SPDEF: variants seen among roughly 807,000 people sequenced by gnomAD.
SPDEF encodes SAM pointed domain-containing Ets transcription factor.
In SPDEF, 12 loss-of-function variants were observed where a neutral mutation model predicts 36.0. That is an observed-to-expected ratio of 0.33 (90% CI 0.21 to 0.54). The LOEUF is 0.54. Ranked by LOEUF, SPDEF falls within the 20% of genes least tolerant of loss-of-function variation. The pLI is 0.93. For missense variants in SPDEF, 388 were observed against 456.9 expected, an observed-to-expected ratio of 0.85 and a Z score of 1.37; for synonymous variants, 205 against 193.0, an observed-to-expected ratio of 1.06 and a Z score of -0.51.
At chr6:34,554,514 A>C (rs1768126525) in intron 1 of SPDEF, among the ~76,000 whole-genome samples, 1 of 152,258 alleles carries the variant, frequency 6.6e-6, no homozygotes, top group South Asian at 2.1e-4. Flanking sequence ...CACTCAGAGG[A>C]AATGCTTGTA....
In SPDEF at chr6:34,538,530, A is replaced by G. The variant is rs1303341933; in HGVS notation, c.830-78T>C. ...GGAGAAAGACGCAGACCACCAGGTC[A>G]GCCTCGTGGCGAACCAAGGGACCCC... On this transcript the variant is annotated intron_variant, in intron 5 of 5. Coordinates refer to ENST00000374037, the MANE Select transcript of SPDEF (RefSeq NM_012391.3). This position sits in a 1 kb window ranked among gnomAD's most constrained non-coding sequence, Gnocchi z 5.9. The G allele has an allele frequency of 1.0e-5, 15 of 1,459,072 alleles. No homozygotes were observed. The highest frequency in any genetic ancestry group is 1.4e-5 in the Non-Finnish European group (15 of 1,078,280). The allele number at this position is 1,459,072 out of a possible 1,614,324, so 90.4% of individuals were successfully genotyped here.
chr6:34,554,671 G>A (rs1418925830), intron 1 of SPDEF, among the ~76,000 whole-genome samples: 1 of 152,236 alleles, frequency 6.6e-6, no homozygotes, highest in Non-Finnish European at 1.5e-5. Flanking sequence ...CAAGCTGGGG[G>A]TCCTTGGCTC....
Position 34,539,510 on chromosome 6 carries a change from C to A in SPDEF, c.682+5G>T. On this transcript the variant is annotated splice_donor_5th_base_variant and intron_variant, in intron 4 of 5. Coordinates refer to ENST00000374037, the MANE Select transcript of SPDEF (RefSeq NM_012391.3). The surrounding 1 kb of genome is among the most constrained non-coding windows in gnomAD (Gnocchi z 5.2). The stretch of plus-strand genomic sequence containing the variant: ...CCGCCTCCACCCTGCCGCTGCCTGG[C>A]TCACCACAGTAGTGAATCGCCCCAG... The A allele has an allele frequency of 6.3e-7, 1 of 1,579,054 alleles. No individual in the cohort carries two copies. The highest frequency in any genetic ancestry group is 1.8e-5 in the Admixed American group (1 of 55,064).
At chr6:34,540,891 G>A in intron 3 of SPDEF, 93 bp downstream of exon 3, 3 of 1,207,800 alleles carry the variant, frequency 2.5e-6, no homozygotes, top group South Asian at 2.9e-5. Flanking sequence ...GGGCCAAGGG[G>A]CTGCTGCCCT....
intron 2 of SPDEF, 122 bp downstream of exon 2, chr6:34,543,898 A>C: frequency 2.1e-6 from 2 of 950,004 alleles, no homozygotes; most frequent in South Asian, 1.8e-5. Context: ...AGCATCCCCA[A>C]AGCTGCCCGA....
At chr6:34,551,868 T>G (rs1430696463) in intron 1 of SPDEF, among the ~76,000 whole-genome samples, 1 of 152,116 alleles carries the variant, frequency 6.6e-6, no homozygotes, top group Non-Finnish European at 1.5e-5. Flanking sequence ...GGGCTTGCAG[T>G]GAGTCATGCT....
chr6:34,542,099 A>G (rs1767834195), intron 2 of SPDEF, among the ~76,000 whole-genome samples: 1 of 151,700 alleles, frequency 6.6e-6, no homozygotes, highest in Non-Finnish European at 1.5e-5. Flanking sequence ...CTGTGGGAGA[A>G]CTCCTGGAGT....
In SPDEF at chr6:34,544,615, C is replaced by T; in HGVS notation, c.-29-131G>A. 2 of 669,338 alleles carry T rather than the reference C, an allele frequency of 3.0e-6. No homozygotes were observed. Among genetic ancestry groups the T allele is most frequent in the Non-Finnish European group, 4.7e-6 (2 of 428,544 alleles). 41.5% of individuals were successfully genotyped at this position (669,338 alleles called of 1,614,324 possible). A position where few individuals can be genotyped will look rare whatever the true frequency, so the allele number is the denominator to read the frequency against. ...GGGACAGAGTTGGGGGCTTCCGGGT[C>T]ATTGGGCAGCCACGACATGGTTGGG... On this transcript the variant is annotated intron_variant, in intron 1 of 5. Coordinates refer to ENST00000374037, the MANE Select transcript of SPDEF (RefSeq NM_012391.3). The surrounding 1 kb of genome is among the most constrained non-coding windows in gnomAD (Gnocchi z 4.4).
intron 2 of SPDEF, among the ~76,000 whole-genome samples, chr6:34,541,441 C>T (rs1319317605): frequency 6.6e-6 from 1 of 152,192 alleles, no homozygotes; most frequent in African/African-American, 2.4e-5. Context: ...CCGCCTCACC[C>T]AGGCCTTGGG....
intron 1 of SPDEF, among the ~76,000 whole-genome samples, chr6:34,551,424 A>C (rs1768060415): frequency 1.3e-5 from 2 of 152,196 alleles, no homozygotes. Flanking sequence ...TTCCCTCCAT[A>C]GGAGAGACCC....
At position 34,544,690 on chromosome 6, in the gene SPDEF, G is replaced by T. The variant is rs943194997; in HGVS notation, c.-29-206C>A. Among the ~76,000 whole-genome samples, 1 of 152,176 alleles carries T rather than the reference G, an allele frequency of 6.6e-6. No homozygotes were observed. The highest frequency in any genetic ancestry group is 2.4e-5 in the African/African-American group (1 of 41,442). On this transcript the variant is annotated intron_variant, in intron 1 of 5. Coordinates refer to ENST00000374037, the MANE Select transcript of SPDEF (RefSeq NM_012391.3). The surrounding 1 kb of genome is among the most constrained non-coding windows in gnomAD (Gnocchi z 4.4). ...GACAGCGAGGTGGGAGTGGGTGCAGGACTAGAAATAGATCGCTCCCTCAAT... is the reference window on the plus strand; with the variant it reads ...GACAGCGAGGTGGGAGTGGGTGCAGTACTAGAAATAGATCGCTCCCTCAAT...
At chr6:34,554,549 C>T (rs923524156) in intron 1 of SPDEF, among the ~76,000 whole-genome samples, 15 of 152,272 alleles carry the variant, frequency 9.9e-5, no homozygotes, top group African/African-American at 1.7e-4. Flanking sequence ...CTCTCAAAGG[C>T]GAGGGTGGGT....
At position 34,539,348 on chromosome 6, in the gene SPDEF, CATG is replaced by C. The variant is rs780838260; in HGVS notation, c.728_730del (p.Ser243del). ...CCACAGGTGGATGGGCTGCCCGGAG[CATG>C]ATGAGTCCACCTCGCTGTCGGTCCA... On this transcript the variant is annotated inframe_deletion, in exon 5 of 6. Transcript: ENST00000374037. This position sits in a 1 kb window ranked among gnomAD's most constrained non-coding sequence, Gnocchi z 5.2. The C allele has an allele frequency of 6.2e-7, 1 of 1,613,918 alleles. No individual in the cohort carries two copies. The highest frequency in any genetic ancestry group is 8.5e-7 in the Non-Finnish European group (1 of 1,180,040).
At chr6:34,547,402 G>T (rs1374291516) in intron 1 of SPDEF, among the ~76,000 whole-genome samples, 4 of 152,130 alleles carry the variant, frequency 2.6e-5, no homozygotes, top group South Asian at 2.1e-4. Flanking sequence ...TTGAGATAAG[G>T]TCTCGCTCTG....
At position 34,539,191 on chromosome 6, in the gene SPDEF, A is replaced by G. The variant is rs1227419629; in HGVS notation, c.829+59T>C. 34 of 1,592,280 alleles carry G rather than the reference A, an allele frequency of 2.1e-5. No homozygotes were observed. The highest frequency in any genetic ancestry group is 2.7e-5 in the Non-Finnish European group (32 of 1,167,516). ...TGCCCCCATGCACCGTGCCTGGCAG[A>G]AGCCCCCACAACCTCCATGCTCACT... is the stretch of plus-strand genomic sequence containing the variant. On this transcript the variant is annotated intron_variant, in intron 5 of 5. Coordinates refer to ENST00000374037, the MANE Select transcript of SPDEF (RefSeq NM_012391.3). This position sits in a 1 kb window ranked among gnomAD's most constrained non-coding sequence, Gnocchi z 5.2.
At position 34,542,456 on chromosome 6, in the gene SPDEF, G is replaced by A. The variant is rs148336383; in HGVS notation, c.437-1275C>T. On this transcript the variant is annotated intron_variant, in intron 2 of 5. Transcript: ENST00000374037. ...GGTCCCCTCCTCATCGGGGCCTTCC[G>A]TCCCACAAGAACAGTGACACATTTC... 4.7e-3 allele frequency among the ~76,000 whole-genome samples: 712 copies of A among 152,348 alleles called. 1 individual carries two copies. Among genetic ancestry groups the A allele is most frequent in the Non-Finnish European group, 7.4e-3 (504 of 68,030 alleles).
At position 34,555,047 on chromosome 6, in the gene SPDEF, T is replaced by C. The variant is rs1768136425; in HGVS notation, c.-30+882A>G. 6.6e-6 allele frequency among the ~76,000 whole-genome samples: 1 copy of C among 151,966 alleles called. No individual in the cohort carries two copies. The highest frequency in any genetic ancestry group is 6.6e-5 in the Admixed American group (1 of 15,250). On this transcript the variant is annotated intron_variant, in intron 1 of 5. Transcript: ENST00000374037. The surrounding 1 kb of genome is among the most constrained non-coding windows in gnomAD (Gnocchi z 5.2). ...GATCTTGGCCTGCCCCTCCCCAACA[T>C]GCACACACACGCACACACACATGCA...
At chr6:34,545,194 C>T (rs1275019636) in intron 1 of SPDEF, among the ~76,000 whole-genome samples, 1 of 152,202 alleles carries the variant, frequency 6.6e-6, no homozygotes, top group Non-Finnish European at 1.5e-5. Flanking sequence ...CCCTTACCCT[C>T]CCTCAGAAGG....
chr6:34,553,000 C>A lies in SPDEF; in HGVS notation c.-30+2929G>T, dbSNP rs1243794992. Reference sequence around the variant, plus strand: ...GCAACCAGTCTCAGGCGCTGGAGCCCCGGGCTGGGCAGTCCCTCCAGCCAC... The same window carrying A: ...GCAACCAGTCTCAGGCGCTGGAGCCACGGGCTGGGCAGTCCCTCCAGCCAC... On this transcript the variant is annotated intron_variant, in intron 1 of 5. Transcript: ENST00000374037. The surrounding 1 kb of genome is among the most constrained non-coding windows in gnomAD (Gnocchi z 4.6). Among the ~76,000 whole-genome samples, 3 of 152,138 alleles carry A rather than the reference C, an allele frequency of 2.0e-5. No individual in the cohort carries two copies. Among genetic ancestry groups the A allele is most frequent in the Non-Finnish European group, 4.4e-5 (3 of 68,026 alleles).
Sources: allele counts gnomAD v4.1 joint callset (sites outside exome capture counted in the v4.1 genomes callset), GRCh38; gene constraint gnomAD v4.1.1; non-coding constraint Gnocchi (gnomAD v3.1); transcripts MANE v1.5; gene names NCBI Gene and HGNC (gene_info 2026-07-23, HGNC 2026-07-21).